Variants in PKD1 observed in about 807,000 individuals in gnomAD.
PKD1 encodes polycystin 1, transient receptor potential channel interacting.
Under a neutral mutation model 361.7 loss-of-function variants are expected in PKD1, and 81 were observed. That is an observed-to-expected ratio of 0.22 (90% confidence interval 0.19 to 0.27). The LOEUF is 0.27. PKD1 is among the 10% of genes least tolerant of loss of function. PKD1 has a pLI of 1.00. For synonymous variants in PKD1, 3,615 were observed against 2,818.3 expected (o/e 1.28, Z -8.95); for missense variants, 6,399 against 6,118.3 (o/e 1.05, Z -1.53).
rs1292157185 is a variant in PKD1 at position 2,089,893 on chromosome 16, C to T, written c.12746G>A (p.Arg4249His). ...TCCGGCGGGCGCCCGGCTGCTCCTG[C>T]GGCCTTGCAGGCTGTGCAGCTGCTG... ...LEQQLHSLQGRRSSRAPAGSS... is the reference protein window; with the variant it reads ...LEQQLHSLQGHRSSRAPAGSS... Residue 4249 changes from arginine to histidine, a missense_variant, in exon 46 of 46, where the codon CGC becomes CAC. Transcript: ENST00000262304. The T allele has an allele frequency of 3.7e-6, 6 of 1,610,906 alleles. No individual in the cohort carries two copies. The highest frequency in any genetic ancestry group is 1.3e-5 in the African/African-American group (1 of 74,916).
Position 2,102,647 on chromosome 16 carries a change from G to T in PKD1, c.8949-14C>A, listed in dbSNP as rs765094963. 6.2e-7 allele frequency: 1 copy of T among 1,610,882 alleles called. No individual in the cohort carries two copies. The highest frequency in any genetic ancestry group is 8.5e-7 in the Non-Finnish European group (1 of 1,179,772). On this transcript the variant is annotated splice_polypyrimidine_tract_variant and intron_variant, in intron 24 of 45. Transcript: ENST00000262304. Reference sequence around the variant, plus strand: ...GGGTCTCTGCTCCTGGGCAGGGAAGGGGTAGCGGACGTGAGCCCAGGCTCC... The same window carrying T: ...GGGTCTCTGCTCCTGGGCAGGGAAGTGGTAGCGGACGTGAGCCCAGGCTCC...
chr16:2,107,255 T>A (rs2092372222), intron 16 of PKD1: 2 of 446,204 alleles, frequency 4.5e-6, no homozygotes, highest in Non-Finnish European at 4.2e-6. Context: ...AAGAGACGTA[T>A]GTGTGGGTGT....
intron 21 of PKD1, 107 bp downstream of exon 21, chr16:2,105,215 A>T (rs983158184): frequency 1.9e-5 from 21 of 1,078,264 alleles, no homozygotes; most frequent in African/African-American, 1.6e-4. Flanking sequence ...GAAGGAGCCC[A>T]GGCTGGAGGC....
chr16:2,105,540 G>A, intron 20 of PKD1, 66 bp from the exon 21 acceptor site: 1 of 1,594,966 alleles, frequency 6.3e-7, no homozygotes, highest in Non-Finnish European at 8.5e-7. Flanking sequence ...GCCAGCAGAT[G>A]CCCACGACTC....
chr16:2,124,399 T>C (rs542771048), intron 1 of PKD1, among the ~76,000 whole-genome samples: 1 of 152,192 alleles, frequency 6.6e-6, no homozygotes, highest in Admixed American at 6.5e-5. Context: ...TGCCCACAGT[T>C]GGCGCGAGGG....
intron 24 of PKD1, 66 bp downstream of exon 24, chr16:2,102,748 G>A (rs202074173): frequency 1.2e-6 from 2 of 1,606,132 alleles, no homozygotes; most frequent in Admixed American, 1.7e-5. Flanking sequence ...CATGGGGCCA[G>A]TAACCCAGGC....
chr16:2,109,051 T>C lies in PKD1; in HGVS notation c.6116A>G (p.Gln2039Arg), dbSNP rs2092434606. ...TPVAAGLLEI[Q>R]VRAFNALGSE... ...GCCCAGGGCGTTGAAGGCGCGCACC[T>C]GGATCTCCAACAGCCCCGCGGCCAC... The change falls in exon 15 of 46, where the codon CAG becomes CGG. Residue 2039 changes from glutamine to arginine, a missense_variant. By Grantham distance (43) the Gln-to-Arg change is conservative. Transcript: ENST00000262304. 6.2e-7 allele frequency: 1 copy of C among 1,607,298 alleles called. No individual in the cohort carries two copies. The highest frequency in any genetic ancestry group is 8.5e-7 in the Non-Finnish European group (1 of 1,176,294).
intron 1 of PKD1, among the ~76,000 whole-genome samples, chr16:2,124,202 G>A (rs1045681169): frequency 1.8e-4 from 27 of 152,348 alleles, no homozygotes; most frequent in South Asian, 1.0e-3. Context: ...GTGGGGCCAC[G>A]TCCCAGGGCT....
At position 2,088,895 on chromosome 16, in the gene PKD1, A is replaced by ACACC; in HGVS notation, c.*831_*832insGGTG. On this transcript the variant is annotated 3_prime_UTR_variant, in exon 46 of 46. Transcript: ENST00000262304. ...CGTGCGCGCGCGCACACACACACACACACAGTCACCTTCCTCCACCCTGGG... is the reference window on the plus strand; with the variant it reads ...CGTGCGCGCGCGCACACACACACACACACCCACAGTCACCTTCCTCCACCCTGGG... 2.3e-6 allele frequency: 1 copy of ACACC among 427,140 alleles called. No homozygotes were observed. The allele number at this position is 427,140 out of a possible 1,614,324, so 26.5% of individuals were successfully genotyped here. A position where few individuals can be genotyped will look rare whatever the true frequency, so the allele number is the denominator to read the frequency against.
chr16:2,100,102 G>C lies in PKD1; in HGVS notation c.9713-31C>G. ...AGGCAGGGAGGGCCGCACTGCAGGA[G>C]GCCACGGGGCAGGACCACCCTGCCC... is the stretch of plus-strand genomic sequence containing the variant. On this transcript the variant is annotated intron_variant, in intron 28 of 45. Coordinates refer to ENST00000262304, the MANE Select transcript of PKD1 (RefSeq NM_001009944.3). The surrounding 1 kb of genome is among the most constrained non-coding windows in gnomAD (Gnocchi z 4.4). 1 of 1,604,588 alleles carries C rather than the reference G, an allele frequency of 6.2e-7. No individual in the cohort carries two copies. Among genetic ancestry groups the C allele is most frequent in the Non-Finnish European group, 8.5e-7 (1 of 1,176,136 alleles).
chr16:2,111,888 G>T lies in PKD1; in HGVS notation c.3296-17C>A, dbSNP rs770880391. On this transcript the variant is annotated splice_polypyrimidine_tract_variant and intron_variant, in intron 14 of 45. Coordinates refer to ENST00000262304, the MANE Select transcript of PKD1 (RefSeq NM_001009944.3). ...GGTACTCACCTGTGGGGACAGGCCC[G>T]AGTGGGGCAGCCGCGGCACCCCCAC... 1 of 1,609,390 alleles carries T rather than the reference G, an allele frequency of 6.2e-7. No individual in the cohort carries two copies. Among genetic ancestry groups the T allele is most frequent in the Non-Finnish European group, 8.5e-7 (1 of 1,179,218 alleles).
chr16:2,107,323 G>C, intron 16 of PKD1: 1 of 381,968 alleles, frequency 2.6e-6, no homozygotes, highest in South Asian at 2.2e-5. Context: ...CTTAGCCAGG[G>C]CCTGGGTCAG....
chr16:2,125,395 G>C (rs2092784154), intron 1 of PKD1, among the ~76,000 whole-genome samples: 1 of 152,192 alleles, frequency 6.6e-6, no homozygotes, highest in Admixed American at 6.5e-5. Context: ...CTGGGTCCCA[G>C]ACACGGGGTG....
rs759240605 is a variant in PKD1 at position 2,110,902 on chromosome 16, G to T, written c.4265C>A (p.Ala1422Asp). The T allele has an allele frequency of 2.1e-5, 34 of 1,611,430 alleles. No individual in the cohort carries two copies. The highest frequency in any genetic ancestry group is 2.7e-5 in the African/African-American group (2 of 74,900). Residue 1422 changes from alanine to aspartate, a missense_variant, in exon 15 of 46, where the codon GCC (alanine) becomes GAC (aspartate). Physicochemically the swap from Ala to Asp is moderately radical, Grantham distance 126. Coordinates refer to ENST00000262304, the MANE Select transcript of PKD1 (RefSeq NM_001009944.3). ...YTWDFGTEEAAPTRARGPEVT... is the reference protein window; with the variant it reads ...YTWDFGTEEADPTRARGPEVT... ...CTCAGGGCCCCTGGCACGGGTGGGG[G>T]CGGCTTCCTCGGTGCCAAAGTCCCA...
intron 6 of PKD1, 148 bp downstream of exon 6, chr16:2,117,341 G>C (rs1190994693): frequency 1.6e-6 from 1 of 633,126 alleles, no homozygotes; most frequent in East Asian, 2.7e-5. Context: ...AGAGCTGACA[G>C]GAACGGCCCC....
intron 7 of PKD1, 74 bp downstream of exon 7, chr16:2,116,759 G>C: frequency 9.2e-7 from 1 of 1,081,708 alleles, no homozygotes; most frequent in Non-Finnish European, 1.4e-6. Context: ...CCTCAGCCCA[G>C]GCTCCACCGC....
chr16:2,106,913 G>A lies in PKD1; in HGVS notation c.7101C>T (p.Ser2367=), dbSNP rs1157963640. The change falls in exon 17 of 46, where the codon TCC becomes TCT. Residue 2367 remains serine, a synonymous_variant. Transcript: ENST00000262304. This position sits in a 1 kb window ranked among gnomAD's most constrained non-coding sequence, Gnocchi z 6.5. ...GTGCCTTGCAGGACACACACTCCAA[G>A]GACACAATGGGCACCCGGCCACTCC... ...LIRSGRVPIV[S]LECVSCKAQA... 2 of 1,571,186 alleles carry A rather than the reference G, an allele frequency of 1.3e-6. No individual in the cohort carries two copies. The highest frequency in any genetic ancestry group is 1.7e-6 in the Non-Finnish European group (2 of 1,159,454).
rs4018159 is a variant in PKD1 at position 2,107,157 on chromosome 16, A to G, written c.7066-209T>C. 2,925 of 637,116 alleles carry G rather than the reference A, an allele frequency of 4.6e-3. 92 individuals are homozygous for G. The highest frequency in any genetic ancestry group is 0.038 in the African/African-American group (2,092 of 54,768). The allele number at this position is 637,116 out of a possible 1,614,324, so 39.5% of individuals were successfully genotyped here. On this transcript the variant is annotated intron_variant, in intron 16 of 45. Transcript: ENST00000262304. ...GCATACACAGGGCAGAGGACACTGG[A>G]GTGTGCGTTCTGGTGTACTGGACCC... is the stretch of plus-strand genomic sequence containing the variant.
Position 2,109,185 on chromosome 16 carries a change from G to T in PKD1, c.5982C>A (p.Ala1994=), listed in dbSNP as rs777308548. 1.9e-6 allele frequency: 3 copies of T among 1,598,440 alleles called. No individual in the cohort carries two copies. The Admixed American group carries it at 5.0e-5, about 27-fold the overall frequency. ...IATGTERNFT[A]RVQRGSRVAY... ...CGACCCGAGAGCCGCGCTGCACGCGGGCTGTGAAGTTCCTCTCAGTGCCCG... is the reference window on the plus strand; with the variant it reads ...CGACCCGAGAGCCGCGCTGCACGCGTGCTGTGAAGTTCCTCTCAGTGCCCG... Residue 1994 remains alanine (A), a synonymous_variant, in exon 15 of 46, where the codon GCC becomes GCA. Transcript: ENST00000262304.
Sources: gnomAD v4.1 joint callset for allele counts (sites outside exome capture counted in the v4.1 genomes callset) on GRCh38, gnomAD v4.1.1 for gene constraint, Gnocchi (gnomAD v3.1) non-coding constraint, MANE v1.5 for transcripts, NCBI Gene and HGNC (gene_info 2026-07-23, HGNC 2026-07-21) for gene names.